Variants in LRP2 observed in about 807,000 individuals in gnomAD.
LRP2 encodes the protein LDL receptor related protein 2.
Under a neutral mutation model 531.0 loss-of-function variants are expected in LRP2, and 172 were observed. That is an observed-to-expected ratio of 0.32 (90% CI 0.29 to 0.37). The LOEUF (loss-of-function observed/expected upper bound fraction) is 0.37, where lower values mean the gene tolerates loss of function less well. LRP2 is among the 10% of genes least tolerant of loss of function. The probability of loss-of-function intolerance (pLI) is 1.00; values close to 1 mark genes in which losing one functional copy is unlikely to be tolerated. For synonymous variants in LRP2, 1,992 were observed against 2,027.6 expected (o/e 0.98, Z 0.47); for missense variants, 5,167 against 5,868.3 (o/e 0.88, Z 3.90).
intron 11 of LRP2, 42 bp downstream of exon 11, chr2:169,280,308 T>A (rs774504591): frequency 6.2e-7 from 1 of 1,610,830 alleles, no homozygotes; most frequent in East Asian, 2.2e-5. Context: ...TATCAACACT[T>A]TGTGCTCAGG....
intron 16 of LRP2, 21 bp downstream of exon 16, chr2:169,270,883 A>T (rs542465040): frequency 1.2e-6 from 2 of 1,605,496 alleles, no homozygotes; most frequent in East Asian, 4.5e-5. Context: ...ACACACACAC[A>T]CACACACAAA....
At chr2:169,178,998 T>TTTAC (rs1314691750) in intron 52 of LRP2, among the ~76,000 whole-genome samples, 2 of 150,918 alleles carry the variant, frequency 1.3e-5, no homozygotes, top group Admixed American at 1.3e-4. Context: ...TATTTATTTA[T>TTTAC]TTATTTATTT....
intron 26 of LRP2, among the ~76,000 whole-genome samples, chr2:169,238,644 T>G (rs961367155): frequency 6.6e-6 from 1 of 152,194 alleles, no homozygotes; most frequent in Non-Finnish European, 1.5e-5. Context: ...TTTAATAGGT[T>G]GTAGGCTTCT....
intron 16 of LRP2, among the ~76,000 whole-genome samples, chr2:169,259,880 T>C (rs905249808): frequency 6.6e-6 from 1 of 151,990 alleles, no homozygotes; most frequent in African/African-American, 2.4e-5. Context: ...GAAGAAAAAA[T>C]CCTACTACTT....
At chr2:169,166,723 G>A (rs1192531319) in intron 61 of LRP2, among the ~76,000 whole-genome samples, 2 of 152,200 alleles carry the variant, frequency 1.3e-5, no homozygotes, top group Non-Finnish European at 2.9e-5. Flanking sequence ...GAGACCTCTA[G>A]CTGCTGCCTG....
chr2:169,240,344 T>A (rs1272732765), intron 25 of LRP2, among the ~76,000 whole-genome samples: 1 of 152,212 alleles, frequency 6.6e-6, no homozygotes, highest in African/African-American at 2.4e-5. Context: ...TGCCTGGGGA[T>A]GCAAATGCCT....
chr2:169,190,614 G>A (rs559504110), intron 48 of LRP2, among the ~76,000 whole-genome samples: 1 of 152,242 alleles, frequency 6.6e-6, no homozygotes, highest in East Asian at 1.9e-4. Context: ...CTTTCCCACT[G>A]TCTTCCTTCG....
At chr2:169,355,308 T>C (rs1328741066) in intron 1 of LRP2, among the ~76,000 whole-genome samples, 1 of 152,238 alleles carries the variant, frequency 6.6e-6, no homozygotes, top group East Asian at 1.9e-4. Flanking sequence ...GAGAAATTTC[T>C]GTAGCTTTTT....
At chr2:169,145,636 C>T (rs1313267866) in intron 70 of LRP2, 111 bp downstream of exon 70, 1 of 1,073,980 alleles carries the variant, frequency 9.3e-7, no homozygotes, top group East Asian at 2.4e-5. Flanking sequence ...CTTTCATGCA[C>T]CAAGAGATTA....
At chr2:169,171,896 G>C in intron 58 of LRP2, 119 bp downstream of exon 58, 1 of 1,246,964 alleles carries the variant, frequency 8.0e-7, no homozygotes, top group Non-Finnish European at 1.2e-6. Context: ...AAAGAGATCA[G>C]ACAGCTTGAT....
intron 59 of LRP2, 134 bp from the exon 60 acceptor site, chr2:169,169,952 G>A: frequency 7.1e-6 from 5 of 706,212 alleles, no homozygotes; most frequent in Non-Finnish European, 1.3e-5. Context: ...CCCACAACTT[G>A]TGGTTAGCAA....
chr2:169,360,034 A>G (rs1408377810), intron 1 of LRP2, among the ~76,000 whole-genome samples: 1 of 150,214 alleles, frequency 6.7e-6, no homozygotes, highest in East Asian at 2.0e-4. Context: ...CTGAGGTGTG[A>G]GGATCGCTTG....
chr2:169,228,037 A>T (rs998848918), intron 31 of LRP2, among the ~76,000 whole-genome samples: 3 of 152,136 alleles, frequency 2.0e-5, no homozygotes, highest in Non-Finnish European at 4.4e-5. Context: ...ATCGCTTCTC[A>T]TTGATTGAGA....
chr2:169,359,662 T>C (rs559884878), intron 1 of LRP2, among the ~76,000 whole-genome samples: 2 of 152,162 alleles, frequency 1.3e-5, no homozygotes, highest in African/African-American at 4.8e-5. Context: ...AGACTGGGAA[T>C]GGGGAGACTT....
At chr2:169,156,515 A>G in intron 64 of LRP2, 110 bp from the exon 65 acceptor site, 1 of 1,181,986 alleles carries the variant, frequency 8.5e-7, no homozygotes, top group Non-Finnish European at 1.3e-6. Context: ...AGAAGGGTAC[A>G]GATGAAAATA....
chr2:169,133,434 C>G (rs189128963), intron 76 of LRP2, among the ~76,000 whole-genome samples: 1 of 152,308 alleles, frequency 6.6e-6, no homozygotes, highest in East Asian at 1.9e-4. Context: ...TGTCGTATCT[C>G]TTTTATCATG....
chr2:169,166,782 G>C (rs1219979085), intron 61 of LRP2, among the ~76,000 whole-genome samples: 1 of 152,176 alleles, frequency 6.6e-6, no homozygotes, highest in African/African-American at 2.4e-5. Context: ...CTACTTGTTT[G>C]GTACAGGGAA....
At chr2:169,294,536 G>A in intron 5 of LRP2, 64 bp downstream of exon 5, 1 of 1,152,546 alleles carries the variant, frequency 8.7e-7, no homozygotes, top group Non-Finnish European at 1.3e-6. Context: ...GTACATATTG[G>A]CTCTCTCAAA....
At chr2:169,350,595 C>T (rs558287482) in intron 1 of LRP2, among the ~76,000 whole-genome samples, 76 of 151,838 alleles carry the variant, frequency 5.0e-4, no homozygotes, top group Middle Eastern at 3.4e-3. Flanking sequence ...TGGTGGTGTG[C>T]ACCTGTAATC....
Sources: gnomAD v4.1 joint callset for allele counts (sites outside exome capture counted in the v4.1 genomes callset) on GRCh38, gnomAD v4.1.1 for gene constraint, MANE v1.5 for transcripts, NCBI Gene and HGNC (gene_info 2026-07-23, HGNC 2026-07-21) for gene names.